FGF13: variants seen among roughly 807,000 people sequenced by gnomAD.
The protein encoded by FGF13 is fibroblast growth factor homologous factor 2.
Under a neutral mutation model 19.5 loss-of-function variants are expected in FGF13, and 2 were observed. The observed-to-expected ratio is 0.10, with a 90% CI of 0.04 to 0.32. The LOEUF (loss-of-function observed/expected upper bound fraction) is 0.32, where lower values mean the gene tolerates loss of function less well. Ranked by LOEUF, FGF13 falls within the 10% of genes least tolerant of loss-of-function variation. The pLI is 1.00. For synonymous variants in FGF13, 72 were observed against 76.9 expected, an observed-to-expected ratio of 0.94 and a Z score of 0.33; for missense variants, 113 against 192.7, an observed-to-expected ratio of 0.59 and a Z score of 2.45.
intron 1 of FGF13, among the ~76,000 whole-genome samples, chrX:138,984,608 GGA>G (rs2091983905): frequency 5.3e-5 from 3 of 56,578 alleles, no homozygotes; most frequent in African/African-American, 1.9e-4. Flanking sequence ...AGGAGGAGGA[GGA>G]GGAGGATGAG....
At chrX:138,863,418 T>C (rs2091299726) in intron 2 of FGF13, among the ~76,000 whole-genome samples, 1 of 111,787 alleles carries the variant, frequency 8.9e-6, no homozygotes, top group Non-Finnish European at 1.9e-5. Context: ...GAAATTTATC[T>C]TGTGGTGCCT....
At chrX:139,021,095 T>A (rs2092176048) in intron 1 of FGF13, among the ~76,000 whole-genome samples, 1 of 111,006 alleles carries the variant, frequency 9.0e-6, no homozygotes, top group African/African-American at 3.3e-5. Context: ...GCCAGAAGCA[T>A]CTAAGACGTT....
chrX:139,102,822 G>A (rs768044171), intron 1 of FGF13, among the ~76,000 whole-genome samples: 2 of 112,647 alleles, frequency 1.8e-5, no homozygotes, highest in Non-Finnish European at 3.7e-5. Flanking sequence ...CCGCAGCAAC[G>A]TGGAAAGGCT....
At chrX:139,007,587 CAT>C (rs1315272505) in intron 1 of FGF13, among the ~76,000 whole-genome samples, 1 of 112,258 alleles carries the variant, frequency 8.9e-6, no homozygotes, top group Non-Finnish European at 1.9e-5. Flanking sequence ...AAGGATAAAC[CAT>C]ATGTTAGGTC....
chrX:139,144,929 A>G (rs765002407), intron 1 of FGF13, among the ~76,000 whole-genome samples: 1 of 112,000 alleles, frequency 8.9e-6, no homozygotes, highest in South Asian at 3.7e-4. Flanking sequence ...AACCAACAAC[A>G]TGTTCATATA....
chrX:138,721,273 GT>G (rs1386552756), intron 1 of FGF13, among the ~76,000 whole-genome samples: 2 of 111,794 alleles, frequency 1.8e-5, no homozygotes, highest in Non-Finnish European at 3.8e-5. Context: ...TAAAGATTGT[GT>G]GAAAAGACTG....
At chrX:138,902,593 A>T (rs750674004) in intron 1 of FGF13, among the ~76,000 whole-genome samples, 1 of 111,180 alleles carries the variant, frequency 9.0e-6, no homozygotes, top group South Asian at 3.8e-4. Flanking sequence ...TTACTTCCTC[A>T]TTTTTTTTCT....
At chrX:138,790,164 G>A (rs1258014357) in intron 3 of FGF13, among the ~76,000 whole-genome samples, 1 of 104,394 alleles carries the variant, frequency 9.6e-6, no homozygotes, top group East Asian at 3.1e-4. Context: ...CTAAGATCAC[G>A]ATGCCAGCGT....
chrX:138,836,798 T>A (rs1351290195), intron 3 of FGF13, among the ~76,000 whole-genome samples: 8 of 111,998 alleles, frequency 7.1e-5, no homozygotes, highest in Admixed American at 9.4e-5. Context: ...GGTTTCAGGG[T>A]TCTTCTGCTG....
chrX:138,976,759 T>C (rs1163689888), intron 1 of FGF13, among the ~76,000 whole-genome samples: 2 of 111,152 alleles, frequency 1.8e-5, no homozygotes, highest in Non-Finnish European at 3.8e-5. Context: ...GAAAATGGAT[T>C]AAGGTGAGCT....
chrX:139,049,099 T>A (rs2092296742), intron 1 of FGF13, among the ~76,000 whole-genome samples: 1 of 111,366 alleles, frequency 9.0e-6, no homozygotes, highest in Non-Finnish European at 1.9e-5. Context: ...ATTTTTAAAA[T>A]TTTTAATTAT....
chrX:138,791,565 T>G (rs1415703072), intron 3 of FGF13, among the ~76,000 whole-genome samples: 3 of 112,411 alleles, frequency 2.7e-5, no homozygotes, highest in Non-Finnish European at 5.6e-5. Flanking sequence ...TACTGCTTTG[T>G]ATGAAACTGC....
intron 1 of FGF13, among the ~76,000 whole-genome samples, chrX:139,125,411 T>A (rs1327310940): frequency 8.9e-6 from 1 of 112,212 alleles, no homozygotes; most frequent in Non-Finnish European, 1.9e-5. Flanking sequence ...TTAAAAATAA[T>A]TAGTTAAGAA....
At chrX:138,926,418 T>TATA (rs1385084251) in intron 1 of FGF13, among the ~76,000 whole-genome samples, 2 of 111,740 alleles carry the variant, frequency 1.8e-5, no homozygotes, top group Non-Finnish European at 3.8e-5. Flanking sequence ...AAAAGTATGG[T>TATA]ATAATTTGAT....
intron 3 of FGF13, among the ~76,000 whole-genome samples, chrX:138,824,669 C>T (rs1471219950): frequency 9.0e-6 from 1 of 110,990 alleles, no homozygotes; most frequent in Non-Finnish European, 1.9e-5. Flanking sequence ...TAAATACAGG[C>T]CAAATTTTAC....
chrX:139,069,998 T>C (rs62602248), intron 1 of FGF13, among the ~76,000 whole-genome samples: 10,682 of 111,890 alleles, frequency 0.095, 420 homozygotes, highest in South Asian at 0.19. Flanking sequence ...GATTAAAGAC[T>C]TAAACATAAG....
chrX:138,816,631 A>G (rs894590040), intron 3 of FGF13, among the ~76,000 whole-genome samples: 1 of 112,502 alleles, frequency 8.9e-6, no homozygotes, highest in African/African-American at 3.2e-5. Context: ...AACTTTAACA[A>G]ATGATTTGTT....
chrX:138,974,078 C>T, intron 1 of FGF13, among the ~76,000 whole-genome samples: 1 of 111,641 alleles, frequency 9.0e-6, no homozygotes, highest in Middle Eastern at 4.6e-3. Flanking sequence ...AAGGCCCTTA[C>T]CAAATGACAT....
In FGF13 at chrX:138,621,459, C is replaced by T. The variant is rs1023681359; in HGVS notation, c.*11391G>A. On this transcript the variant is annotated 3_prime_UTR_variant, in exon 5 of 5. Coordinates refer to ENST00000315930, the MANE Select transcript of FGF13 (RefSeq NM_004114.5). ...AAAATATATGGGATGCAGCAAAAGG[C>T]ATTTCTAAGAAGGAAGTTTATAGTG... 2 of 109,307 alleles carry T rather than the reference C, an allele frequency of 1.8e-5. No individual in the cohort carries two copies. The highest frequency in any genetic ancestry group is 3.8e-5 in the Non-Finnish European group (2 of 52,488). 9.0% of individuals were successfully genotyped at this position (109,307 alleles called of 1,213,427 possible).
Sources: allele counts gnomAD v4.1 joint callset (sites outside exome capture counted in the v4.1 genomes callset), GRCh38; gene constraint gnomAD v4.1.1; transcripts MANE v1.5; gene names NCBI Gene and HGNC (gene_info 2026-07-23, HGNC 2026-07-21).